ACSF3: variants seen among roughly 807,000 people sequenced by gnomAD.
ACSF3 encodes malonate--CoA ligase ACSF3, mitochondrial.
Under a neutral mutation model 53.2 loss-of-function variants are expected in ACSF3, and 78 were observed. That is an observed-to-expected ratio of 1.47 (90% CI 1.22 to 1.77). ACSF3 has a LOEUF of 1.77. Ranked by LOEUF, ACSF3 falls within the 40% of genes most tolerant of loss-of-function variation. ACSF3 has a pLI of 0.00. For synonymous variants in ACSF3, 414 were observed against 333.1 expected (o/e 1.24, Z -2.65); for missense variants, 937 against 771.1 (o/e 1.22, Z -2.55).
intron 7 of ACSF3, among the ~76,000 whole-genome samples, chr16:89,127,768 A>T (rs1908441703): frequency 6.6e-6 from 1 of 152,132 alleles, no homozygotes; most frequent in African/African-American, 2.4e-5. Context: ...TTTGGTACAT[A>T]TCATTTTTGA....
At chr16:89,118,522 A>C (rs1053246077) in intron 6 of ACSF3, among the ~76,000 whole-genome samples, 3 of 151,844 alleles carry the variant, frequency 2.0e-5, no homozygotes, top group African/African-American at 7.3e-5. Flanking sequence ...CTCTGAGCTC[A>C]TGCTTGGCCT....
intron 5 of ACSF3, 149 bp from the exon 6 acceptor site, chr16:89,114,190 G>C: frequency 9.6e-7 from 1 of 1,036,460 alleles, no homozygotes; most frequent in South Asian, 1.3e-5. Context: ...GCACAGTGGT[G>C]CTGTACCCAC....
At position 89,114,473 on chromosome 16, in the gene ACSF3, C is replaced by T. The variant is rs767026438; in HGVS notation, c.1112C>T (p.Ala371Val). 6.2e-7 allele frequency: 1 copy of T among 1,612,848 alleles called. No homozygotes were observed. The highest frequency in any genetic ancestry group is 8.5e-7 in the Non-Finnish European group (1 of 1,179,992). The change falls in exon 6 of 11, where the codon GCC (alanine) becomes GTC (valine). Residue 371 changes from alanine to valine, a missense_variant. Coordinates refer to ENST00000614302, the MANE Select transcript of ACSF3 (RefSeq NM_001243279.3). ...GMALSGPLTT[A>V]VRLPGSVGTP... ...GCTCTGTCCGGGCCCCTGACCACTG[C>T]CGTGCGCCTGCCAGGTACGAGCACT...
intron 8 of ACSF3, among the ~76,000 whole-genome samples, chr16:89,140,632 G>A (rs1322409126): frequency 2.0e-5 from 3 of 152,238 alleles, no homozygotes; most frequent in Non-Finnish European, 2.9e-5. Context: ...ATCCAGGCTC[G>A]GGAACCACAT....
At chr16:89,153,861 T>C in intron 10 of ACSF3, 1 of 581,850 alleles carries the variant, frequency 1.7e-6, no homozygotes, top group South Asian at 1.9e-5. Flanking sequence ...ATGGCTTCTG[T>C]GGTACCAGTG....
intron 4 of ACSF3, among the ~76,000 whole-genome samples, chr16:89,110,254 G>GT (rs1246960741): frequency 1.3e-5 from 2 of 152,162 alleles, no homozygotes; most frequent in Non-Finnish European, 2.9e-5. Flanking sequence ...ATTCCCTTTT[G>GT]TTTTTTCTTA....
intron 8 of ACSF3, 59 bp from the exon 9 acceptor site, chr16:89,145,208 C>T (rs113463939): frequency 6.2e-7 from 1 of 1,613,654 alleles, no homozygotes; most frequent in Non-Finnish European, 8.5e-7. Context: ...AGCCCCTTTT[C>T]CTCAGGGGAC....
intron 8 of ACSF3, chr16:89,136,533 A>G: frequency 2.4e-6 from 3 of 1,264,484 alleles, no homozygotes; most frequent in Non-Finnish European, 3.1e-6. Flanking sequence ...ATTAAACTTA[A>G]CCCTTTCCCT....
chr16:89,119,364 C>G (rs1906046516), intron 6 of ACSF3, among the ~76,000 whole-genome samples: 1 of 152,180 alleles, frequency 6.6e-6, no homozygotes, highest in Non-Finnish European at 1.5e-5. Flanking sequence ...TATGAAACGC[C>G]CAGAACAGAA....
chr16:89,123,494 A>C (rs1202375623), intron 7 of ACSF3, among the ~76,000 whole-genome samples: 1 of 152,114 alleles, frequency 6.6e-6, no homozygotes, highest in Non-Finnish European at 1.5e-5. Context: ...GGCTCAAGTG[A>C]GGCTGTGGCC....
rs1402006178 is a variant in ACSF3 at position 89,155,544 on chromosome 16, C to T, written c.*1337C>T. ...CCACGGCCCTGCCCCACCCGAACTC[C>T]TGCCTCACGGTGTGGCCTTGTGCAT... On this transcript the variant is annotated 3_prime_UTR_variant, in exon 11 of 11. Coordinates refer to ENST00000614302, the MANE Select transcript of ACSF3 (RefSeq NM_001243279.3). 8.8e-6 allele frequency: 4 copies of T among 454,166 alleles called. No individual in the cohort carries two copies. Among genetic ancestry groups the T allele is most frequent in the South Asian group, 3.1e-5 (2 of 64,478 alleles). The allele number at this position is 454,166 out of a possible 1,614,324, so 28.1% of individuals were successfully genotyped here.
chr16:89,154,747 C>G lies in ACSF3; in HGVS notation c.*540C>G. ...CCAGCCCTGTCCCATGGGTTCCGTGCATTTCCTGGTGCTGCTCTTGGAGGA... is the reference window on the plus strand; with the variant it reads ...CCAGCCCTGTCCCATGGGTTCCGTGGATTTCCTGGTGCTGCTCTTGGAGGA... On this transcript the variant is annotated 3_prime_UTR_variant, in exon 11 of 11. Transcript: ENST00000614302. 1 of 454,158 alleles carries G rather than the reference C, an allele frequency of 2.2e-6. No homozygotes were observed. Among genetic ancestry groups the G allele is most frequent in the South Asian group, 1.6e-5 (1 of 64,480 alleles). 28.1% of individuals were successfully genotyped at this position (454,158 alleles called of 1,614,324 possible).
At position 89,102,679 on chromosome 16, in the gene ACSF3, C is replaced by T. The variant is rs1408335182; in HGVS notation, c.742C>T (p.His248Tyr). 1.9e-6 allele frequency: 3 copies of T among 1,613,752 alleles called. No individual in the cohort carries two copies. In the African/African-American group the frequency reaches 4.0e-5, roughly 22 times the overall value. ...ILHVLPLHHV[H>Y]GVVNALLCPL... ...CCACGTGCTCCCGCTGCACCACGTCCATGGTGTGGTCAACGCGCTGCTCTG... is the reference window on the plus strand; with the variant it reads ...CCACGTGCTCCCGCTGCACCACGTCTATGGTGTGGTCAACGCGCTGCTCTG... Residue 248 changes from histidine (H) to tyrosine (Y), a missense_variant, in exon 4 of 11, where the codon CAT (histidine) becomes TAT (tyrosine). Physicochemically the swap from His to Tyr is moderately conservative, Grantham distance 83. Transcript: ENST00000614302.
intron 4 of ACSF3, among the ~76,000 whole-genome samples, chr16:89,103,471 G>A (rs1453532959): frequency 6.6e-6 from 1 of 152,230 alleles, no homozygotes; most frequent in Non-Finnish European, 1.5e-5. Context: ...GCTTCTGCAG[G>A]CACACGGCCT....
intron 8 of ACSF3, among the ~76,000 whole-genome samples, chr16:89,137,737 C>T (rs59578612): frequency 0.022 from 3,387 of 152,178 alleles, 98 homozygotes; most frequent in East Asian, 0.12. Context: ...CTGGAGAACC[C>T]CCAGACTGAG....
chr16:89,106,137 C>G (rs1370373757), intron 4 of ACSF3, among the ~76,000 whole-genome samples: 1 of 152,236 alleles, frequency 6.6e-6, no homozygotes, highest in East Asian at 1.9e-4. Context: ...CCTGGGGTCT[C>G]TGCCTGGGGA....
chr16:89,154,122 AGCTGGT>A lies in ACSF3; in HGVS notation c.1654_1659del (p.Leu552_Val553del). ...CTGGCCCCGTACGCGGTGCCCTCGG[AGCTGGT>A]GCTGGTGGAGGAGATCCCGCGGAAC... On this transcript the variant is annotated inframe_deletion, in exon 11 of 11. Coordinates refer to ENST00000614302, the MANE Select transcript of ACSF3 (RefSeq NM_001243279.3). 6.2e-7 allele frequency: 1 copy of A among 1,613,302 alleles called. No individual in the cohort carries two copies. The highest frequency in any genetic ancestry group is 8.5e-7 in the Non-Finnish European group (1 of 1,179,740).
At chr16:89,137,563 T>A (rs35209748) in intron 8 of ACSF3, among the ~76,000 whole-genome samples, 1 of 114,352 alleles carries the variant, frequency 8.7e-6, no homozygotes, top group Middle Eastern at 5.6e-3. Flanking sequence ...GCCCCAGGTC[T>A]CGGGAGGACC....
At chr16:89,102,535 G>T in intron 3 of ACSF3, 69 bp from the exon 4 acceptor site, 1 of 1,586,362 alleles carries the variant, frequency 6.3e-7, no homozygotes. Flanking sequence ...CCGTGAGCCC[G>T]AGGTCTGTGT....
Sources: gnomAD v4.1 joint callset for allele counts (sites outside exome capture counted in the v4.1 genomes callset) on GRCh38, gnomAD v4.1.1 for gene constraint, MANE v1.5 for transcripts, NCBI Gene and HGNC (gene_info 2026-07-23, HGNC 2026-07-21) for gene names.